DTNA: variants seen among roughly 807,000 people sequenced by gnomAD.
DTNA encodes dystrobrevin alpha.
In DTNA, 43 loss-of-function variants were observed where a neutral mutation model predicts 100.7. The observed-to-expected ratio is 0.43, with a 90% CI of 0.33 to 0.55. The LOEUF (loss-of-function observed/expected upper bound fraction) is 0.55. Among genes scored for constraint, DTNA ranks in the 20% least tolerant of loss-of-function variants. The pLI is 0.04. For synonymous variants in DTNA, 349 were observed against 347.9 expected, an observed-to-expected ratio of 1.00 and a Z score of -0.04; for missense variants, 798 against 953.9, an observed-to-expected ratio of 0.84 and a Z score of 2.15.
intron 1 of DTNA, among the ~76,000 whole-genome samples, chr18:34,517,538 C>T (rs543942127): frequency 3.3e-5 from 5 of 150,860 alleles, no homozygotes; most frequent in African/African-American, 1.2e-4. Flanking sequence ...ATAAATATCA[C>T]TAAAATCAAG....
In DTNA at chr18:34,820,913, C is replaced by T. The variant is rs61737438; in HGVS notation, c.999C>T (p.Ile333=). Residue 333 remains isoleucine, a splice_region_variant and synonymous_variant, in exon 9 of 23, where the codon ATC becomes ATT. Transcript: ENST00000444659. ...AGAAGCCACTCAACTTGGCTCACATCGTGTGAGTATCCCTACCCTCCCAGT... is the reference window on the plus strand; with the variant it reads ...AGAAGCCACTCAACTTGGCTCACATTGTGTGAGTATCCCTACCCTCCCAGT... ...QPEKPLNLAH[I]VPPRPVTSMN... is the part of the protein sequence containing the mutation. 4.9e-4 allele frequency: 793 copies of T among 1,613,762 alleles called. 4 individuals are homozygous for T. The African/African-American group carries it at 9.0e-3, about 18-fold the overall frequency.
At chr18:34,581,838 G>A (rs965271743) in intron 1 of DTNA, among the ~76,000 whole-genome samples, 1 of 151,900 alleles carries the variant, frequency 6.6e-6, no homozygotes, top group Non-Finnish European at 1.5e-5. Flanking sequence ...TGGCCAGGAT[G>A]GTCTTGATTT....
In DTNA at chr18:34,888,765, AGCACC is replaced by A; in HGVS notation, c.*1034_*1038del. 1.0e-6 allele frequency: 1 copy of A among 985,910 alleles called. No homozygotes were observed. The highest frequency in any genetic ancestry group is 4.7e-5 in the South Asian group (1 of 21,280). 61.1% of individuals were successfully genotyped at this position (985,910 alleles called of 1,614,324 possible). A position where few individuals can be genotyped will look rare whatever the true frequency, so the allele number is the denominator to read the frequency against. On this transcript the variant is annotated 3_prime_UTR_variant, in exon 23 of 23. Transcript: ENST00000444659. ...TGGCTTTAGGAAGCATGTCTTTAAC[AGCACC>A]GCTCGTTCACAAGTTCCCCCATCAA...
At chr18:34,838,055 T>C in intron 11 of DTNA, 39 bp from the exon 12 acceptor site, 2 of 1,594,796 alleles carry the variant, frequency 1.3e-6, no homozygotes, top group East Asian at 4.5e-5. Context: ...TGCATTGCCG[T>C]GTTTACGCTC....
chr18:34,501,695 G>A lies in DTNA; in HGVS notation c.-2+8181G>A, dbSNP rs112678602. On this transcript the variant is annotated intron_variant, in intron 1 of 19. Coordinates refer to the DTNA transcript ENST00000283365. ...GACATAAAATACCACAGACTGGGTG[G>A]CTTAAACAACAGAAATGTATTTCCT... Among the ~76,000 whole-genome samples the A allele has an allele frequency of 6.4e-3, 970 of 152,242 alleles. 15 individuals carry two copies. Among genetic ancestry groups the A allele is most frequent in the African/African-American group, 0.022 (930 of 41,550 alleles).
At chr18:34,590,455 T>C (rs2049596690) in intron 1 of DTNA, among the ~76,000 whole-genome samples, 2 of 152,184 alleles carry the variant, frequency 1.3e-5, no homozygotes, top group African/African-American at 4.8e-5. Context: ...CCCTTAAGGA[T>C]ATTTATTAGG....
intron 12 of DTNA, among the ~76,000 whole-genome samples, 188 bp downstream of exon 12, chr18:34,838,359 C>T (rs900482357): frequency 1.4e-4 from 21 of 152,262 alleles, no homozygotes; most frequent in African/African-American, 4.8e-4. Flanking sequence ...TTCACTTTCC[C>T]GAATTTGTGT....
At chr18:34,753,142 G>A (rs1350244403) in intron 1 of DTNA, among the ~76,000 whole-genome samples, 2 of 151,858 alleles carry the variant, frequency 1.3e-5, no homozygotes, top group East Asian at 3.9e-4. Flanking sequence ...ACTTTGCTGG[G>A]CACTGTGAAA....
intron 1 of DTNA, among the ~76,000 whole-genome samples, chr18:34,544,208 G>T (rs962219236): frequency 4.6e-5 from 7 of 151,886 alleles, no homozygotes; most frequent in Non-Finnish European, 1.0e-4. Context: ...CAAGCCTGGG[G>T]TTTTTCATGT....
At chr18:34,849,628 C>T (rs1243931916) in intron 14 of DTNA, among the ~76,000 whole-genome samples, 1 of 152,152 alleles carries the variant, frequency 6.6e-6, no homozygotes, top group Non-Finnish European at 1.5e-5. Context: ...AAATTTGTCC[C>T]CCAGAAATGT....
intron 1 of DTNA, among the ~76,000 whole-genome samples, chr18:34,721,973 G>A (rs553410938): frequency 1.3e-5 from 2 of 152,244 alleles, no homozygotes; most frequent in East Asian, 1.9e-4. Context: ...AGGGTTTTCC[G>A]GTTTGGCTAA....
In DTNA at chr18:34,665,902, T is replaced by A. The variant is rs151245150; in HGVS notation, c.-1-90074T>A. Among the ~76,000 whole-genome samples the A allele has an allele frequency of 4.8e-3, 725 of 152,358 alleles. 5 individuals carry two copies. Among genetic ancestry groups the A allele is most frequent in the African/African-American group, 0.015 (635 of 41,580 alleles). On this transcript the variant is annotated intron_variant, in intron 1 of 19. Transcript: ENST00000283365. ...AAACATACGTGTGCATGTGTCTTTATAGCAGCATGATTTACAGTCCTTTGG... is the reference window on the plus strand; with the variant it reads ...AAACATACGTGTGCATGTGTCTTTAAAGCAGCATGATTTACAGTCCTTTGG...
intron 1 of DTNA, among the ~76,000 whole-genome samples, chr18:34,524,688 CT>C (rs2042446703): frequency 6.6e-6 from 1 of 152,064 alleles, no homozygotes; most frequent in Non-Finnish European, 1.5e-5. Context: ...CATAGTATGT[CT>C]TTTCTGTTGT....
chr18:34,728,804 G>C (rs1600949058), intron 1 of DTNA, among the ~76,000 whole-genome samples: 1 of 152,182 alleles, frequency 6.6e-6, no homozygotes, highest in South Asian at 2.1e-4. Flanking sequence ...AGGTAAGATG[G>C]CTGCCAGTAG....
At chr18:34,727,176 G>A (rs951727157) in intron 1 of DTNA, among the ~76,000 whole-genome samples, 1 of 152,244 alleles carries the variant, frequency 6.6e-6, no homozygotes, top group African/African-American at 2.4e-5. Flanking sequence ...TCACAGGGCA[G>A]CAGGGTCCTG....
At chr18:34,512,773 C>T (rs914286622) in intron 1 of DTNA, among the ~76,000 whole-genome samples, 2 of 152,000 alleles carry the variant, frequency 1.3e-5, no homozygotes, top group African/African-American at 4.8e-5. Context: ...TTTCAGAAAA[C>T]AACCCTTTCC....
intron 1 of DTNA, among the ~76,000 whole-genome samples, chr18:34,575,744 T>A (rs2146528924): frequency 6.6e-6 from 1 of 152,346 alleles, no homozygotes; most frequent in East Asian, 1.9e-4. Flanking sequence ...GATTTATCCT[T>A]CAAATGACTG....
At position 34,810,254 on chromosome 18, in the gene DTNA, A is replaced by G. The variant is rs188087195; in HGVS notation, c.449-1705A>G. 8.5e-5 allele frequency among the ~76,000 whole-genome samples: 13 copies of G among 152,212 alleles called. No individual in the cohort carries two copies. The East Asian group carries it at 1.5e-3, about 18-fold the overall frequency. ...AACTGGTTGTTTTGCCTCTACGCCT[A>G]CCCATAGACTTTCTAACGCACTGAC... is the stretch of plus-strand genomic sequence containing the variant. On this transcript the variant is annotated intron_variant, in intron 5 of 22. Transcript: ENST00000444659.
intron 1 of DTNA, among the ~76,000 whole-genome samples, chr18:34,620,613 G>A (rs2056298608): frequency 6.6e-6 from 1 of 152,152 alleles, no homozygotes; most frequent in Admixed American, 6.5e-5. Flanking sequence ...GAGGCCTCAG[G>A]AAACTTACTA....
Sources: allele counts gnomAD v4.1 joint callset (sites outside exome capture counted in the v4.1 genomes callset), GRCh38; gene constraint gnomAD v4.1.1; transcripts MANE v1.5; gene names NCBI Gene and HGNC (gene_info 2026-07-23, HGNC 2026-07-21).